The following ASAP1 variants were observed in gnomAD, a reference collection of about 807,000 sequenced individuals.
The protein encoded by ASAP1 is ArfGAP with SH3 domain, ankyrin repeat and PH domain 1.
In ASAP1, 43 loss-of-function variants were observed where a neutral mutation model predicts 145.2. The ratio of observed to expected loss-of-function variants is 0.30; its 90% confidence interval spans 0.23 to 0.38. The LOEUF (loss-of-function observed/expected upper bound fraction) is 0.38. Among genes scored for constraint, ASAP1 ranks in the 10% least tolerant of loss-of-function variants. ASAP1 has a pLI of 1.00. For missense variants in ASAP1, 1,018 were observed against 1,355.3 expected, an observed-to-expected ratio of 0.75 and a Z score of 3.91; for synonymous variants, 546 against 515.5, an observed-to-expected ratio of 1.06 and a Z score of -0.80.
At chr8:130,115,552 A>G (rs539813844) in intron 23 of ASAP1, 76 bp downstream of exon 23, 2 of 1,166,570 alleles carry the variant, frequency 1.7e-6, no homozygotes, top group African/African-American at 3.1e-5. Flanking sequence ...CAATCTCACC[A>G]AAAATGGATC....
At chr8:130,374,480 G>A (rs1233080444) in intron 2 of ASAP1, among the ~76,000 whole-genome samples, 4 of 152,230 alleles carry the variant, frequency 2.6e-5, no homozygotes, top group African/African-American at 9.6e-5. Context: ...GACTAGGCCG[G>A]GCGCGGTGGC....
At chr8:130,159,986 T>C (rs754126752) in intron 11 of ASAP1, 22 bp from the exon 12 acceptor site, 3 of 1,593,520 alleles carry the variant, frequency 1.9e-6, no homozygotes, top group African/African-American at 1.3e-5. Flanking sequence ...AAACTACAGA[T>C]TAAACAAAAA....
chr8:130,188,710 TGAGA>T (rs1193344507), intron 5 of ASAP1, among the ~76,000 whole-genome samples: 1 of 117,386 alleles, frequency 8.5e-6, no homozygotes, highest in Admixed American at 1.2e-4. Flanking sequence ...CCAGCCTGAG[TGAGA>T]GACTCTCTCA....
intron 26 of ASAP1, among the ~76,000 whole-genome samples, chr8:130,077,529 TGC>T (rs2097465671): frequency 2.1e-5 from 3 of 141,390 alleles, no homozygotes; most frequent in Non-Finnish European, 4.6e-5. Context: ...TGGTTGCTGC[TGC>T]TGCTGCTTTT....
chr8:130,433,939 T>C (rs369154335), intron 1 of ASAP1, among the ~76,000 whole-genome samples: 93 of 152,282 alleles, frequency 6.1e-4, no homozygotes, highest in African/African-American at 2.1e-3. Flanking sequence ...AGGCGTGGAA[T>C]TAAAATTCAA....
chr8:130,416,714 G>A (rs950161065), intron 1 of ASAP1, among the ~76,000 whole-genome samples: 1 of 152,202 alleles, frequency 6.6e-6, no homozygotes, highest in African/African-American at 2.4e-5. Context: ...CAGGAGATTT[G>A]GCTCAGCTAC....
chr8:130,086,390 A>C lies in ASAP1; in HGVS notation c.2572+5583T>G, dbSNP rs541039128. ...CGAAGTGCTCAACACAATGCCCAGC[A>C]CTCTGTGAGGCACTTACAAGTGATG... On this transcript the variant is annotated intron_variant, in intron 25 of 29. Coordinates refer to ENST00000518721, the MANE Select transcript of ASAP1 (RefSeq NM_018482.4). Among the ~76,000 whole-genome samples the C allele has an allele frequency of 1.2e-3, 181 of 152,310 alleles. 5 individuals are homozygous for C. The highest frequency in any genetic ancestry group is 0.012 in the Admixed American group (179 of 15,290).
chr8:130,108,072 C>T (rs2097540596), intron 24 of ASAP1, among the ~76,000 whole-genome samples: 2 of 152,176 alleles, frequency 1.3e-5, no homozygotes, highest in Admixed American at 1.3e-4. Context: ...GCATCTGGTT[C>T]AATTTTCTCT....
At chr8:130,350,628 C>T (rs1184866153) in intron 3 of ASAP1, among the ~76,000 whole-genome samples, 1 of 152,258 alleles carries the variant, frequency 6.6e-6, no homozygotes, top group Non-Finnish European at 1.5e-5. Context: ...AAGTTACTAG[C>T]AGTGTCCACT....
intron 3 of ASAP1, among the ~76,000 whole-genome samples, chr8:130,281,959 G>A (rs1395758413): frequency 4.0e-5 from 6 of 151,862 alleles, no homozygotes; most frequent in African/African-American, 1.2e-4. Flanking sequence ...CCAGCTACTC[G>A]GGAGACTTGA....
At chr8:130,378,114 T>G (rs1482472846) in intron 2 of ASAP1, among the ~76,000 whole-genome samples, 1 of 152,244 alleles carries the variant, frequency 6.6e-6, no homozygotes, top group African/African-American at 2.4e-5. Context: ...GCTCTACTAC[T>G]GACTATCTCT....
intron 15 of ASAP1, among the ~76,000 whole-genome samples, chr8:130,130,320 T>C (rs2097581113): frequency 6.6e-6 from 1 of 152,212 alleles, no homozygotes; most frequent in Non-Finnish European, 1.5e-5. Context: ...CAGATGGGGA[T>C]AAGAAAACAC....
At position 130,296,785 on chromosome 8, in the gene ASAP1, C is replaced by T. The variant is rs142812094; in HGVS notation, c.187-59791G>A. 2.4e-3 allele frequency among the ~76,000 whole-genome samples: 369 copies of T among 152,174 alleles called. 2 individuals carry two copies. The highest frequency in any genetic ancestry group is 3.5e-3 in the Non-Finnish European group (235 of 68,004). On this transcript the variant is annotated intron_variant, in intron 3 of 29. Transcript: ENST00000518721. ...AAAAGAAAAAAAAAAAATTAAGCTACTTTCCAAGCAGGTAAAATTTGCTTT... is the reference window on the plus strand; with the variant it reads ...AAAAGAAAAAAAAAAAATTAAGCTATTTTCCAAGCAGGTAAAATTTGCTTT...
chr8:130,239,878 C>T (rs1213892991), intron 3 of ASAP1, among the ~76,000 whole-genome samples: 1 of 152,120 alleles, frequency 6.6e-6, no homozygotes, highest in Non-Finnish European at 1.5e-5. Flanking sequence ...CCAGCCTATG[C>T]TTTTTCAACC....
chr8:130,144,198 T>A (rs1285975178), intron 13 of ASAP1, among the ~76,000 whole-genome samples: 1 of 152,226 alleles, frequency 6.6e-6, no homozygotes, highest in Non-Finnish European at 1.5e-5. Context: ...TTAAGGTACA[T>A]GCTGAACACT....
At chr8:130,143,706 A>C (rs1436128455) in intron 13 of ASAP1, among the ~76,000 whole-genome samples, 1 of 152,234 alleles carries the variant, frequency 6.6e-6, no homozygotes, top group Non-Finnish European at 1.5e-5. Flanking sequence ...CAGAAACAGA[A>C]TGAGTCAATC....
At chr8:130,269,580 G>T (rs7839523) in intron 3 of ASAP1, among the ~76,000 whole-genome samples, 88,155 of 151,952 alleles carry the variant, frequency 0.58, 25,711 homozygotes, top group South Asian at 0.7. Context: ...CATACTGACA[G>T]AGTGGTCATC....
intron 13 of ASAP1, among the ~76,000 whole-genome samples, chr8:130,144,730 T>C (rs147823971): frequency 5.4e-4 from 82 of 152,332 alleles, no homozygotes; most frequent in African/African-American, 1.9e-3. Flanking sequence ...AAGTAGTGAT[T>C]ATCTAACTGA....
chr8:130,083,939 T>C (rs1295524303), intron 25 of ASAP1: 1 of 152,252 alleles, frequency 6.6e-6, no homozygotes, highest in African/African-American at 2.4e-5. Context: ...ATTACAGGCA[T>C]GCGCCACCAC....
Sources: gnomAD v4.1 joint callset for allele counts (sites outside exome capture counted in the v4.1 genomes callset) on GRCh38, gnomAD v4.1.1 for gene constraint, MANE v1.5 for transcripts, NCBI Gene and HGNC (gene_info 2026-07-23, HGNC 2026-07-21) for gene names.